Variants in LINGO2 observed in about 807,000 individuals in gnomAD.
LINGO2 encodes leucine rich repeat and Ig domain containing 2, also known as leucine-rich repeat and immunoglobulin-like domain-containing nogo receptor-interacting protein 2.
Under a neutral mutation model 30.6 loss-of-function variants are expected in LINGO2, and 14 were observed. The observed-to-expected ratio is 0.46, with a 90% CI of 0.30 to 0.72. LINGO2 has a LOEUF of 0.72. Among genes scored for constraint, LINGO2 ranks in the 30% least tolerant of loss-of-function variants. LINGO2 has a pLI of 0.07. For missense variants in LINGO2, 729 were observed against 751.7 expected, an observed-to-expected ratio of 0.97 and a Z score of 0.35; for synonymous variants, 317 against 288.5, an observed-to-expected ratio of 1.10 and a Z score of -1.00.
At chr9:29,211,018 A>G in the LINGO2 span, among the ~76,000 whole-genome samples, 1 of 152,168 alleles carries the variant, frequency 6.6e-6, no homozygotes, top group African/African-American at 2.4e-5. Context: ...ATGTGGCCCA[A>G]TATTTTCACC....
intron 4 of LINGO2, among the ~76,000 whole-genome samples, chr9:28,042,726 TGTTC>T (rs1353152269): frequency 6.6e-6 from 1 of 152,236 alleles, no homozygotes; most frequent in Non-Finnish European, 1.5e-5. Flanking sequence ...GCTTCATTCA[TGTTC>T]TGCAATCAAT....
chr9:28,922,526 G>A, the LINGO2 span, among the ~76,000 whole-genome samples: 111,376 of 152,096 alleles, frequency 0.73, 41,002 homozygotes, highest in Non-Finnish European at 0.78. Flanking sequence ...ATTAAACTGC[G>A]TAATAACCTT....
At chr9:28,156,255 C>T (rs189104504) in intron 4 of LINGO2, among the ~76,000 whole-genome samples, 5 of 152,214 alleles carry the variant, frequency 3.3e-5, no homozygotes, top group Admixed American at 2.0e-4. Flanking sequence ...CCTCCCTAAA[C>T]GTGAATAAGA....
intron 4 of LINGO2, among the ~76,000 whole-genome samples, chr9:28,210,867 T>A (rs1481141315): frequency 6.6e-6 from 1 of 151,512 alleles, no homozygotes; most frequent in African/African-American, 2.4e-5. Context: ...AAATATCACA[T>A]AACCAAGAGA....
At chr9:28,769,491 TATATATATATATATATATATATA>T in the LINGO2 span, among the ~76,000 whole-genome samples, 10 of 6,752 alleles carry the variant, frequency 1.5e-3, 1 homozygote, top group Non-Finnish European at 1.5e-3. Context: ...TATATATATA[TATATATATATATATATATATATA>T]TATATTTTTT....
intron 1 of LINGO2, among the ~76,000 whole-genome samples, chr9:28,490,312 T>C (rs1352586194): frequency 6.6e-6 from 1 of 152,234 alleles, no homozygotes; most frequent in African/African-American, 2.4e-5. Flanking sequence ...AAATGTAGTC[T>C]ATAGACTGCT....
chr9:28,925,212 G>C, the LINGO2 span, among the ~76,000 whole-genome samples: 2 of 152,172 alleles, frequency 1.3e-5, no homozygotes, highest in Non-Finnish European at 2.9e-5. Flanking sequence ...CCAGAGAAAA[G>C]TCTTGCCTTT....
intron 1 of LINGO2, among the ~76,000 whole-genome samples, chr9:28,540,792 C>A (rs1407461352): frequency 6.6e-6 from 1 of 152,110 alleles, no homozygotes; most frequent in Admixed American, 6.6e-5. Flanking sequence ...TGTGTGTTGC[C>A]ATCACAAAGT....
intron 1 of LINGO2, among the ~76,000 whole-genome samples, chr9:28,549,009 A>G (rs966807018): frequency 4.6e-5 from 7 of 152,056 alleles, no homozygotes; most frequent in African/African-American, 1.2e-4. Flanking sequence ...TTATACTGCA[A>G]AACATTAACC....
intron 3 of LINGO2, among the ~76,000 whole-genome samples, chr9:28,361,079 G>A (rs141606673): frequency 1.2e-4 from 19 of 152,148 alleles, no homozygotes; most frequent in Admixed American, 3.9e-4. Flanking sequence ...CCTGGGATGT[G>A]AATTATCTCT....
rs1824699198 is a variant in LINGO2 at position 28,052,003 on chromosome 9, CATT to C, written c.-86-39601_-86-39599del. ...CAAATTCCAACTGTCCTAGATCTCT[CATT>C]ATACAGTTGGGGCTGTCTCTTGCAC... is the stretch of plus-strand genomic sequence containing the variant. On this transcript the variant is annotated intron_variant, in intron 4 of 5. Coordinates refer to ENST00000379992, the Ensembl canonical transcript of LINGO2. 2.0e-5 allele frequency among the ~76,000 whole-genome samples: 3 copies of C among 152,156 alleles called. No homozygotes were observed. In the South Asian group the frequency reaches 6.2e-4, roughly 32 times the overall value.
chr9:27,985,711 G>C (rs1309032627), intron 5 of LINGO2, among the ~76,000 whole-genome samples: 1 of 150,472 alleles, frequency 6.6e-6, no homozygotes. Context: ...CTGGCTGAGA[G>C]AAAAAGGTAG....
At chr9:28,232,419 CAAAA>C (rs1220539550) in intron 4 of LINGO2, among the ~76,000 whole-genome samples, 3 of 79,802 alleles carry the variant, frequency 3.8e-5, no homozygotes, top group African/African-American at 1.4e-4. Flanking sequence ...TTCTATCTCA[CAAAA>C]AAAAAAAAAA....
At chr9:28,335,833 C>T (rs1249419153) in intron 3 of LINGO2, among the ~76,000 whole-genome samples, 1 of 152,074 alleles carries the variant, frequency 6.6e-6, no homozygotes, top group Non-Finnish European at 1.5e-5. Flanking sequence ...AACTATTCAT[C>T]CAGTGAAGGA....
chr9:28,193,036 T>C (rs1819877167), intron 4 of LINGO2, among the ~76,000 whole-genome samples: 1 of 152,174 alleles, frequency 6.6e-6, no homozygotes, highest in South Asian at 2.1e-4. Flanking sequence ...TCACATTTGA[T>C]GGTTACTGAC....
chr9:28,389,192 CTAA>C (rs997209765), intron 2 of LINGO2, among the ~76,000 whole-genome samples: 1 of 151,982 alleles, frequency 6.6e-6, no homozygotes, highest in Non-Finnish European at 1.5e-5. Flanking sequence ...TTATGTTACT[CTAA>C]TAATAAAAAT....
At chr9:28,309,521 A>G (rs1824520054) in intron 3 of LINGO2, among the ~76,000 whole-genome samples, 1 of 152,002 alleles carries the variant, frequency 6.6e-6, no homozygotes, top group African/African-American at 2.4e-5. Context: ...AGCATGGCAC[A>G]TGTATACATA....
At chr9:28,957,676 T>C in the LINGO2 span, among the ~76,000 whole-genome samples, 1 of 152,154 alleles carries the variant, frequency 6.6e-6, no homozygotes, top group East Asian at 1.9e-4. Context: ...GAAATATCTG[T>C]TCATGTTTTT....
At chr9:28,491,212 G>A (rs1826382772) in intron 1 of LINGO2, among the ~76,000 whole-genome samples, 1 of 152,164 alleles carries the variant, frequency 6.6e-6, no homozygotes, top group Non-Finnish European at 1.5e-5. Context: ...CAAGGTGTAT[G>A]CAGGGCTGAT....
Sources: allele counts gnomAD v4.1 joint callset (sites outside exome capture counted in the v4.1 genomes callset), GRCh38; gene constraint gnomAD v4.1.1; transcripts MANE v1.5; gene names NCBI Gene and HGNC (gene_info 2026-07-23, HGNC 2026-07-21).